NEURL3: variants seen among roughly 807,000 people sequenced by gnomAD.
The protein encoded by NEURL3 is E3 ubiquitin-protein ligase NEURL3.
In NEURL3, 19 loss-of-function variants were observed where a neutral mutation model predicts 17.6. The ratio of observed to expected loss-of-function variants is 1.08; its 90% CI spans 0.75 to 1.58. NEURL3 has a LOEUF of 1.58. Among genes scored for constraint, NEURL3 ranks in the 40% most tolerant of loss-of-function variants. The probability of loss-of-function intolerance (pLI) is 0.00; values close to 1 mark genes in which losing one functional copy is unlikely to be tolerated. For missense variants in NEURL3, 342 were observed against 379.6 expected, an observed-to-expected ratio of 0.90 and a Z score of 0.82; for synonymous variants, 180 against 161.4, an observed-to-expected ratio of 1.11 and a Z score of -0.87.
chr2:96,499,104 C>T (rs2065471981), intron 3 of NEURL3: 1 of 1,085,652 alleles, frequency 9.2e-7, no homozygotes, highest in Non-Finnish European at 1.2e-6. Context: ...TTTCCATTGG[C>T]AAAGCATTTA....
rs767014245 is a variant in NEURL3 at position 96,505,310 on chromosome 2, G to T, written c.-24C>A. The T allele has an allele frequency of 1.3e-6, 2 of 1,599,008 alleles. No individual in the cohort carries two copies. Among genetic ancestry groups the T allele is most frequent in the South Asian group, 1.1e-5 (1 of 91,084 alleles). On this transcript the variant is annotated 5_prime_UTR_variant, in exon 1 of 4. Transcript: ENST00000451794. ...ATCAGTCTAAGGTCCTCGGGCACAG[G>T]TCCCCAGGTCTAGAAGGAACTGCCT...
upstream of NEURL3, chr2:96,507,878 G>C (rs1386597911): frequency 2.0e-5 from 3 of 152,244 alleles, no homozygotes; most frequent in Non-Finnish European, 4.4e-5. Flanking sequence ...TGAGGCACAC[G>C]ACAGTTACGC....
chr2:96,501,920 C>T (rs1326280458), intron 1 of NEURL3, among the ~76,000 whole-genome samples: 11 of 152,278 alleles, frequency 7.2e-5, no homozygotes, highest in Non-Finnish European at 4.4e-5. Flanking sequence ...AGGCCACTCC[C>T]CTCCCAGATC....
chr2:96,505,133 G>T, intron 1 of NEURL3, 126 bp downstream of exon 1: 1 of 1,119,094 alleles, frequency 8.9e-7, no homozygotes, highest in Non-Finnish European at 1.3e-6. Flanking sequence ...GCAGAACTGG[G>T]ACCCCACCAG....
Position 96,499,385 on chromosome 2 carries a change from C to T in NEURL3, c.579G>A (p.Glu193=). 4 of 1,599,506 alleles carry T rather than the reference C, an allele frequency of 2.5e-6. No individual in the cohort carries two copies. The highest frequency in any genetic ancestry group is 3.4e-6 in the Non-Finnish European group (4 of 1,179,776). Residue 193 remains glutamate, a synonymous_variant, in exon 3 of 4, where the codon GAG becomes GAA. Transcript: ENST00000451794. ...PWDLSNKAVP[E]PKATPGEECA... is the part of the protein sequence containing the mutation. ...TCTTGGGAAGGCACTCACCTTTGGG[C>T]TCAGGCACAGCCTTGTTGCTGAGGT...
chr2:96,498,440 G>A lies in NEURL3; in HGVS notation c.593C>T (p.Pro198Leu). Residue 198 changes from proline (P) to leucine (L), a missense_variant, in exon 4 of 4, where the codon CCA becomes CTA. Transcript: ENST00000451794. This position sits in a 1 kb window ranked among gnomAD's most constrained non-coding sequence, Gnocchi z 4.4. ...NKAVPEPKATPGEECAICFYH... is the reference protein window; with the variant it reads ...NKAVPEPKATLGEECAICFYH... ...GAAGCAGATGGCACACTCCTCTCCT[G>A]GTGTGGCTGGAAGAGGGAGCAACAC... The A allele has an allele frequency of 6.3e-7, 1 of 1,595,254 alleles. No individual in the cohort carries two copies. Among genetic ancestry groups the A allele is most frequent in the African/African-American group, 1.3e-5 (1 of 74,974 alleles).
intron 1 of NEURL3, among the ~76,000 whole-genome samples, chr2:96,501,228 T>G (rs996520516): frequency 2.6e-5 from 4 of 152,190 alleles, no homozygotes; most frequent in Admixed American, 2.6e-4. Context: ...TTTTGTTTTG[T>G]TTTGTTTTCA....
intron 2 of NEURL3, chr2:96,499,909 C>A: frequency 5.6e-6 from 1 of 177,582 alleles, no homozygotes; most frequent in Non-Finnish European, 1.2e-5. Flanking sequence ...GACCACCACC[C>A]GGCCCAGGAA....
chr2:96,500,350 C>T, intron 2 of NEURL3, 89 bp downstream of exon 2: 2 of 1,536,092 alleles, frequency 1.3e-6, no homozygotes, highest in African/African-American at 1.4e-5. Context: ...TGAATGTGAA[C>T]GTTCTTCCTG....
chr2:96,506,853 A>C (rs887148799), upstream of NEURL3, among the ~76,000 whole-genome samples: 1 of 152,216 alleles, frequency 6.6e-6, no homozygotes, highest in African/African-American at 2.4e-5. Flanking sequence ...CTGGGGTGGT[A>C]TAGTTGCATC....
intron 1 of NEURL3, among the ~76,000 whole-genome samples, chr2:96,502,388 A>G (rs1358471847): frequency 6.6e-6 from 1 of 152,186 alleles, no homozygotes; most frequent in Non-Finnish European, 1.5e-5. Context: ...CATGGAGGGC[A>G]GTGGGATACC....
intron 1 of NEURL3, among the ~76,000 whole-genome samples, chr2:96,503,389 G>T (rs1367317046): frequency 1.3e-5 from 2 of 152,166 alleles, no homozygotes; most frequent in East Asian, 3.9e-4. Flanking sequence ...CGTGGTGGCT[G>T]CACAGGTCAT....
chr2:96,502,264 A>G (rs1243492431), intron 1 of NEURL3, among the ~76,000 whole-genome samples: 1 of 152,192 alleles, frequency 6.6e-6, no homozygotes, highest in Non-Finnish European at 1.5e-5. Flanking sequence ...CTGTGCCTCA[A>G]GGCTGCACCT....
chr2:96,499,157 C>T, intron 3 of NEURL3: 3 of 1,331,970 alleles, frequency 2.3e-6, no homozygotes, highest in Non-Finnish European at 2.9e-6. Flanking sequence ...CAAAATAACA[C>T]TGTCTGTTCA....
At chr2:96,506,535 G>C (rs995444891), upstream of NEURL3, among the ~76,000 whole-genome samples, 3 of 152,216 alleles carry the variant, frequency 2.0e-5, no homozygotes, top group Non-Finnish European at 4.4e-5. Context: ...GCAAGGGCCT[G>C]GTGGGTTTGG....
chr2:96,505,737 G>T (rs1047345760), upstream of NEURL3, among the ~76,000 whole-genome samples: 1 of 152,224 alleles, frequency 6.6e-6, no homozygotes, highest in Non-Finnish European at 1.5e-5. Flanking sequence ...TGTACAGCCA[G>T]GATGGAGATT....
At chr2:96,506,110 G>A (rs765878696), upstream of NEURL3, among the ~76,000 whole-genome samples, 8 of 152,186 alleles carry the variant, frequency 5.3e-5, no homozygotes, top group Non-Finnish European at 1.0e-4. Flanking sequence ...CTAACCTAGT[G>A]CTCCTCACTC....
At chr2:96,504,922 C>A (rs911069961) in intron 1 of NEURL3, among the ~76,000 whole-genome samples, 13 of 149,414 alleles carry the variant, frequency 8.7e-5, no homozygotes, top group African/African-American at 1.5e-4. Flanking sequence ...CTATCTCCCC[C>A]ACATATGGCT....
At position 96,499,594 on chromosome 2, in the gene NEURL3, G is replaced by A. The variant is rs1490713194; in HGVS notation, c.515-145C>T. 9.1e-6 allele frequency: 6 copies of A among 657,326 alleles called. No homozygotes were observed. In the Admixed American group the frequency reaches 1.3e-4, roughly 14 times the overall value. The allele number at this position is 657,326 out of a possible 1,614,324, so 40.7% of individuals were successfully genotyped here. On this transcript the variant is annotated intron_variant, in intron 2 of 3. Transcript: ENST00000451794. ...CCCCATCCCCAAATTTTAAGACCCT[G>A]TCCTGGCCATCCCTTCCCCAGCTTG...
Sources: allele counts gnomAD v4.1 joint callset (sites outside exome capture counted in the v4.1 genomes callset), GRCh38; gene constraint gnomAD v4.1.1; non-coding constraint Gnocchi (gnomAD v3.1); transcripts MANE v1.5; gene names NCBI Gene and HGNC (gene_info 2026-07-23, HGNC 2026-07-21).